Variants in SV2C observed in about 807,000 individuals in gnomAD.
The protein encoded by SV2C is synaptic vesicle glycoprotein 2C.
A neutral mutation model predicts 79.7 loss-of-function variants in SV2C; 49 were observed. That is an observed-to-expected ratio of 0.61 (90% CI 0.49 to 0.78). SV2C has a LOEUF of 0.78. Ranked by LOEUF, SV2C falls within the 30% of genes least tolerant of loss-of-function variation. SV2C has a pLI of 0.00. For missense variants in SV2C, 833 were observed against 912.9 expected, an observed-to-expected ratio of 0.91 and a Z score of 1.13; for synonymous variants, 334 against 333.2, an observed-to-expected ratio of 1.00 and a Z score of -0.03.
At chr5:76,200,842 A>G (rs191693719) in intron 3 of SV2C, among the ~76,000 whole-genome samples, 1 of 152,266 alleles carries the variant, frequency 6.6e-6, no homozygotes, top group African/African-American at 2.4e-5. Flanking sequence ...AGGTCTCCCT[A>G]TGTTGCCAAG....
At chr5:76,059,422 C>G in the SV2C span, among the ~76,000 whole-genome samples, 2 of 152,006 alleles carry the variant, frequency 1.3e-5, no homozygotes, top group Non-Finnish European at 2.9e-5. Context: ...ATCGTAAATC[C>G]TTTGTTGTCA....
chr5:76,300,926 A>G lies in SV2C; in HGVS notation c.1834A>G (p.Met612Val), dbSNP rs779909443. Residue 612 changes from methionine to valine, a missense_variant, in exon 11 of 13, where the codon ATG (methionine) becomes GTG (valine). Met to Val is a conservative substitution (Grantham distance 21). Transcript: ENST00000502798. Reference protein sequence around the residue: ...LLMDRIGRLTMLGGSMVLSGI... With the variant: ...LLMDRIGRLTVLGGSMVLSGI... ...GATGGACAGAATTGGGCGCTTAACA[A>G]TGCTAGGTATGTACTCAGTTTCATG... is the stretch of plus-strand genomic sequence containing the variant. The G allele has an allele frequency of 2.5e-6, 4 of 1,614,104 alleles. No individual in the cohort carries two copies. The highest frequency in any genetic ancestry group is 3.3e-5 in the Admixed American group (2 of 60,012).
chr5:76,043,318 G>A, the SV2C span, among the ~76,000 whole-genome samples: 1 of 152,158 alleles, frequency 6.6e-6, no homozygotes, highest in Non-Finnish European at 1.5e-5. Flanking sequence ...TATGGCTGAA[G>A]TACTTGTGGG....
the SV2C span, among the ~76,000 whole-genome samples, chr5:75,886,433 T>C: frequency 6.6e-6 from 1 of 152,186 alleles, no homozygotes; most frequent in East Asian, 1.9e-4. Context: ...TCTGTTTCTC[T>C]GACCCTGCCT....
chr5:76,151,686 T>G (rs1206269441), intron 2 of SV2C, among the ~76,000 whole-genome samples: 1 of 152,116 alleles, frequency 6.6e-6, no homozygotes, highest in African/African-American at 2.4e-5. Context: ...GTTCTGAGGT[T>G]GGCGGGGAGG....
At chr5:75,877,808 C>A in the SV2C span, among the ~76,000 whole-genome samples, 7 of 151,904 alleles carry the variant, frequency 4.6e-5, no homozygotes, top group Non-Finnish European at 1.0e-4. Context: ...ATAAGTGTTT[C>A]ATTTTCTCGG....
rs2112579157 is a variant in SV2C at position 76,333,649 on chromosome 5, A to G, written c.*8102A>G. On this transcript the variant is annotated 3_prime_UTR_variant, in exon 13 of 13. Coordinates refer to ENST00000502798, the MANE Select transcript of SV2C (RefSeq NM_014979.4). ...TTCTGTTTCAGGTTTTGGAGTTTTC[A>G]TCTTAAGTACAGCTGGTCCTGTTGT... 1 of 152,262 alleles carries G rather than the reference A, an allele frequency of 6.6e-6. No individual in the cohort carries two copies. Among genetic ancestry groups the G allele is most frequent in the East Asian group, 1.9e-4 (1 of 5,186 alleles). 9.4% of individuals were successfully genotyped at this position (152,262 alleles called of 1,614,324 possible).
chr5:76,052,307 A>G, the SV2C span, among the ~76,000 whole-genome samples: 1 of 152,246 alleles, frequency 6.6e-6, no homozygotes. Flanking sequence ...AGCTTTAAGC[A>G]TATTTAAATT....
the SV2C span, among the ~76,000 whole-genome samples, chr5:75,925,454 A>G: frequency 6.6e-6 from 1 of 152,198 alleles, no homozygotes. Flanking sequence ...ACCATACACC[A>G]TATAGGTAGC....
chr5:76,291,709 C>A, intron 7 of SV2C, 59 bp from the exon 8 acceptor site: 2 of 1,186,294 alleles, frequency 1.7e-6, no homozygotes, highest in South Asian at 2.7e-5. Flanking sequence ...TGGAAGGGGT[C>A]GGGGAGTGGG....
the SV2C span, among the ~76,000 whole-genome samples, chr5:75,971,125 CG>C: frequency 3.9e-5 from 6 of 151,984 alleles, no homozygotes; most frequent in Admixed American, 6.6e-5. Flanking sequence ...AATTCAACAA[CG>C]CTTCATGCTA....
At chr5:76,226,927 A>T (rs1012432720) in intron 4 of SV2C, among the ~76,000 whole-genome samples, 1 of 152,188 alleles carries the variant, frequency 6.6e-6, no homozygotes, top group South Asian at 2.1e-4. Context: ...CTTAAACCAA[A>T]GGAAGTTAAG....
the SV2C span, among the ~76,000 whole-genome samples, chr5:76,052,811 A>G: frequency 6.6e-6 from 1 of 152,176 alleles, no homozygotes; most frequent in African/African-American, 2.4e-5. Context: ...ACTTCAAAAT[A>G]AAGTATAAGA....
chr5:76,247,871 CATAA>C (rs1730961937), intron 4 of SV2C, among the ~76,000 whole-genome samples: 3 of 152,252 alleles, frequency 2.0e-5, no homozygotes, highest in East Asian at 1.9e-4. Flanking sequence ...GCTAATATTT[CATAA>C]ATAAATAATA....
the SV2C span, among the ~76,000 whole-genome samples, chr5:75,933,963 A>G: frequency 6.6e-5 from 10 of 152,216 alleles, no homozygotes; most frequent in Middle Eastern, 3.2e-3. Flanking sequence ...ATTCAACCCA[A>G]TGAAATTTAG....
At chr5:75,915,306 A>G in the SV2C span, among the ~76,000 whole-genome samples, 3 of 152,326 alleles carry the variant, frequency 2.0e-5, no homozygotes, top group South Asian at 4.1e-4. Context: ...CCTAATCATG[A>G]CACCATGCTG....
chr5:76,219,338 C>A (rs1440030987), intron 4 of SV2C, among the ~76,000 whole-genome samples: 1 of 152,156 alleles, frequency 6.6e-6, no homozygotes, highest in African/African-American at 2.4e-5. Context: ...CGAAAGAACC[C>A]TTGGCTTCCG....
chr5:75,932,666 T>C, the SV2C span, among the ~76,000 whole-genome samples: 1 of 152,228 alleles, frequency 6.6e-6, no homozygotes, highest in Non-Finnish European at 1.5e-5. Flanking sequence ...CACAGGCTGC[T>C]CCTGCTATTG....
chr5:75,899,265 T>C, the SV2C span, among the ~76,000 whole-genome samples: 2 of 152,258 alleles, frequency 1.3e-5, no homozygotes, highest in African/African-American at 4.8e-5. Context: ...TCTGGTATGT[T>C]GTGTCTTTGT....
Sources: allele counts gnomAD v4.1 joint callset (sites outside exome capture counted in the v4.1 genomes callset), GRCh38; gene constraint gnomAD v4.1.1; transcripts MANE v1.5; gene names NCBI Gene and HGNC (gene_info 2026-07-23, HGNC 2026-07-21).